The following FSTL4 variants were observed in gnomAD, a reference collection of about 807,000 sequenced individuals.
FSTL4 encodes follistatin like 4, also known as follistatin-related protein 4.
FSTL4 carries 28 observed loss-of-function variants against 78.2 expected under a neutral mutation model. The observed-to-expected ratio is 0.36, with a 90% CI of 0.27 to 0.49. The LOEUF (loss-of-function observed/expected upper bound fraction) is 0.49. Ranked by LOEUF, FSTL4 falls within the 20% of genes least tolerant of loss-of-function variation. The pLI is 0.98. For synonymous variants in FSTL4, 422 were observed against 440.5 expected (o/e 0.96, Z 0.53); for missense variants, 922 against 1,084.9 (o/e 0.85, Z 2.11).
At chr5:133,799,117 ACCCCTGACTGG>A in the FSTL4 span, among the ~76,000 whole-genome samples, 1 of 136,430 alleles carries the variant, frequency 7.3e-6, no homozygotes, top group East Asian at 2.0e-4. Flanking sequence ...CTAGCCAGCC[ACCCCTGACTGG>A]CGAGACACCA....
At chr5:133,233,609 G>C in intron 7 of FSTL4, 72 bp from the exon 8 acceptor site, 1 of 1,568,568 alleles carries the variant, frequency 6.4e-7, no homozygotes, top group Admixed American at 1.7e-5. Flanking sequence ...CTGTCTCCTG[G>C]TTTTCCAGAA....
At chr5:133,595,509 T>C (rs186363175) in intron 2 of FSTL4, among the ~76,000 whole-genome samples, 5 of 152,328 alleles carry the variant, frequency 3.3e-5, no homozygotes, top group African/African-American at 1.2e-4. Flanking sequence ...AGTCCCAAGA[T>C]ATTTACCACT....
At chr5:133,525,235 CCAAA>C (rs1162516312) in intron 3 of FSTL4, among the ~76,000 whole-genome samples, 1 of 152,198 alleles carries the variant, frequency 6.6e-6, no homozygotes, top group Non-Finnish European at 1.5e-5. Flanking sequence ...ACATTCCACC[CCAAA>C]CAGAGCTGGC....
intron 6 of FSTL4, among the ~76,000 whole-genome samples, chr5:133,273,867 C>T (rs1452019072): frequency 6.6e-6 from 1 of 152,120 alleles, no homozygotes; most frequent in East Asian, 1.9e-4. Context: ...TGAGTCAGGG[C>T]ATGCAGGAGG....
intron 14 of FSTL4, among the ~76,000 whole-genome samples, chr5:133,204,513 GAAGTC>G (rs1012715418): frequency 4.6e-5 from 7 of 152,022 alleles, no homozygotes; most frequent in African/African-American, 9.7e-5. Context: ...AAAATTCTGA[GAAGTC>G]AAGTTGCTGG....
chr5:133,222,187 C>T (rs759765298), intron 11 of FSTL4, among the ~76,000 whole-genome samples: 7 of 152,058 alleles, frequency 4.6e-5, no homozygotes, highest in Non-Finnish European at 8.8e-5. Context: ...AGGGCTCCTG[C>T]CACCAGAAGC....
Position 133,426,592 on chromosome 5 carries a change from G to A in FSTL4, c.161-25606C>T, listed in dbSNP as rs991245312. Reference sequence around the variant, plus strand: ...CGTGGGTTGGGGAATGATCAATGCCGGCATTGTGCATTCTGGCAGGGTGGA... The same window carrying A: ...CGTGGGTTGGGGAATGATCAATGCCAGCATTGTGCATTCTGGCAGGGTGGA... On this transcript the variant is annotated intron_variant, in intron 3 of 15. Transcript: ENST00000265342. This position sits in a 1 kb window ranked among gnomAD's most constrained non-coding sequence, Gnocchi z 5.0. Among the ~76,000 whole-genome samples the A allele has an allele frequency of 1.3e-5, 2 of 152,128 alleles. No homozygotes were observed. The highest frequency in any genetic ancestry group is 2.4e-5 in the African/African-American group (1 of 41,422).
chr5:133,665,177 AG>A, the FSTL4 span, among the ~76,000 whole-genome samples: 1 of 152,238 alleles, frequency 6.6e-6, no homozygotes, highest in Non-Finnish European at 1.5e-5. Context: ...CTTTGAAAAA[AG>A]AATTGCAGTA....
chr5:133,670,287 T>C, the FSTL4 span, among the ~76,000 whole-genome samples: 2 of 152,190 alleles, frequency 1.3e-5, no homozygotes, highest in South Asian at 4.1e-4. Context: ...TCTGTTCAAA[T>C]TGCAAAAGGA....
At chr5:133,550,473 C>G (rs1362453858) in intron 3 of FSTL4, among the ~76,000 whole-genome samples, 1 of 152,138 alleles carries the variant, frequency 6.6e-6, no homozygotes, top group Non-Finnish European at 1.5e-5. Flanking sequence ...GAAGTCACAA[C>G]CCCAGGCAAC....
At position 133,221,911 on chromosome 5, in the gene FSTL4, T is replaced by G. The variant is rs902321636; in HGVS notation, c.1340-1045A>C. On this transcript the variant is annotated intron_variant, in intron 11 of 15. Transcript: ENST00000265342. ...TTCTAGTTTTTTTTTTTTTTTTTTT[T>G]TTTTTTTTTTTTTTTTAGCATGCTG... is the stretch of plus-strand genomic sequence containing the variant. Among the ~76,000 whole-genome samples the G allele has an allele frequency of 2.2e-4, 25 of 115,908 alleles. 1 individual carries two copies. Among genetic ancestry groups the G allele is most frequent in the African/African-American group, 1.1e-3 (25 of 23,270 alleles). 76.0% of individuals were successfully genotyped at this position (115,908 alleles called of 152,430 possible).
At chr5:133,612,884 C>G (rs1258158727), upstream of FSTL4, among the ~76,000 whole-genome samples, 3 of 152,314 alleles carry the variant, frequency 2.0e-5, no homozygotes, top group East Asian at 5.8e-4. The surrounding 1 kb of genome is among the most constrained non-coding windows in gnomAD (Gnocchi z 6.2). Flanking sequence ...AATCCGCGGC[C>G]ATTGCTCGTG....
At chr5:133,427,459 G>A (rs1395155805) in intron 3 of FSTL4, 1 of 364,030 alleles carries the variant, frequency 2.7e-6, no homozygotes, top group East Asian at 6.0e-5. Flanking sequence ...GACCTCCCAA[G>A]CCCAGGAAAC....
chr5:133,809,365 CAAAAAAAAAAAAAA>C, the FSTL4 span, among the ~76,000 whole-genome samples: 1 of 72,342 alleles, frequency 1.4e-5, no homozygotes, highest in African/African-American at 5.2e-5. Flanking sequence ...GACACTGTCT[CAAAAAAAAAAAAAA>C]AAAAAAAAGA....
intron 6 of FSTL4, 149 bp from the exon 7 acceptor site, chr5:133,249,725 T>A (rs1424510049): frequency 9.5e-6 from 6 of 630,246 alleles, no homozygotes; most frequent in African/African-American, 7.3e-5. Flanking sequence ...GCTGACTAAA[T>A]GTAGAGATAG....
chr5:133,515,579 A>C (rs957323269), intron 3 of FSTL4, among the ~76,000 whole-genome samples: 1 of 152,200 alleles, frequency 6.6e-6, no homozygotes, highest in African/African-American at 2.4e-5. Context: ...TGCAAGAAGC[A>C]ATTCTGATCA....
chr5:133,258,521 C>G (rs1752437014), intron 6 of FSTL4, among the ~76,000 whole-genome samples: 1 of 152,216 alleles, frequency 6.6e-6, no homozygotes, highest in African/African-American at 2.4e-5. Flanking sequence ...CTGGCTTCAA[C>G]AGAAGCCAAT....
At chr5:133,625,757 TTCC>T in the FSTL4 span, among the ~76,000 whole-genome samples, 28 of 76,674 alleles carry the variant, frequency 3.7e-4, 2 homozygotes, top group Non-Finnish European at 5.8e-4. Context: ...CATATATATA[TTCC>T]ATATATATTC....
chr5:133,460,421 C>T (rs1757570536), intron 3 of FSTL4, among the ~76,000 whole-genome samples: 1 of 152,220 alleles, frequency 6.6e-6, no homozygotes, highest in Non-Finnish European at 1.5e-5. Context: ...CACACATTTT[C>T]TGCTCCTGGT....
Sources: allele counts gnomAD v4.1 joint callset (sites outside exome capture counted in the v4.1 genomes callset), GRCh38; gene constraint gnomAD v4.1.1; non-coding constraint Gnocchi (gnomAD v3.1); transcripts MANE v1.5; gene names NCBI Gene and HGNC (gene_info 2026-07-23, HGNC 2026-07-21).